Variants in TREH observed in about 807,000 individuals in gnomAD.
TREH encodes trehalase.
TREH carries 69 observed loss-of-function variants against 80.5 expected under a neutral mutation model. The observed-to-expected ratio is 0.86, with a 90% CI of 0.71 to 1.05. The LOEUF (loss-of-function observed/expected upper bound fraction) is 1.05. Ranked by LOEUF, TREH falls within the 50% of genes least tolerant of loss-of-function variation. The probability of loss-of-function intolerance (pLI) is 0.00; values close to 1 mark genes in which losing one functional copy is unlikely to be tolerated. For missense variants in TREH, 716 were observed against 718.8 expected, an observed-to-expected ratio of 1.00 and a Z score of 0.04; for synonymous variants, 309 against 293.5, an observed-to-expected ratio of 1.05 and a Z score of -0.54.
Position 118,660,528 on chromosome 11 carries a change from G to A in TREH, c.1102+11C>T, listed in dbSNP as rs1555144657. 6.3e-7 allele frequency: 1 copy of A among 1,588,680 alleles called. No homozygotes were observed. Among genetic ancestry groups the A allele is most frequent in the Admixed American group, 1.7e-5 (1 of 57,772 alleles). ...AGCTCCCTGCTTTCCCTTCCCTACT[G>A]GGGTGCTCACCCAGCCTGGAATAGA... On this transcript the variant is annotated intron_variant, in intron 10 of 14. Transcript: ENST00000264029.
At chr11:118,659,056 C>T (rs782143882) in intron 12 of TREH, 39 bp from the exon 13 acceptor site, 73 of 1,591,646 alleles carry the variant, frequency 4.6e-5, no homozygotes, top group Admixed American at 6.7e-5. Context: ...CTCCAGGTCT[C>T]CCATCCCAGA....
intron 1 of TREH, among the ~76,000 whole-genome samples, chr11:118,669,823 T>A (rs1265475474): frequency 6.6e-6 from 1 of 152,130 alleles, no homozygotes; most frequent in African/African-American, 2.4e-5. Flanking sequence ...CAAAAATAAT[T>A]TAATTGTACA....
chr11:118,661,342 G>T lies in TREH; in HGVS notation c.734+51C>A, dbSNP rs767394619. The T allele has an allele frequency of 5.6e-6, 9 of 1,613,842 alleles. No homozygotes were observed. The highest frequency in any genetic ancestry group is 7.6e-6 in the Non-Finnish European group (9 of 1,179,832). ...TGCTGCCCATCCCCAGCCCTGAGAG[G>T]TCTGAGGGATGGGTGGGTCTGCAGA... On this transcript the variant is annotated intron_variant, in intron 7 of 14. Coordinates refer to ENST00000264029, the MANE Select transcript of TREH (RefSeq NM_007180.3). The surrounding 1 kb of genome is among the most constrained non-coding windows in gnomAD (Gnocchi z 4.2).
chr11:118,658,475 G>T, intron 14 of TREH, 34 bp from the exon 15 acceptor site: 1 of 1,605,258 alleles, frequency 6.2e-7, no homozygotes, highest in Middle Eastern at 2.3e-4. Flanking sequence ...CCAGTTTCTG[G>T]GGAAGCCTCA....
Position 118,659,890 on chromosome 11 carries a change from C to T in TREH, c.1177G>A (p.Asp393Asn). Residue 393 changes from aspartate to asparagine, a missense_variant, in exon 11 of 15, where the codon GAT (aspartate) becomes AAT (asparagine). Asp to Asn is a conservative substitution (Grantham distance 23). Transcript: ENST00000264029. The stretch of plus-strand genomic sequence containing the variant: ...TCGAACCAGGCTCCGGTCTGCTCAT[C>T]CCACAGGACTGTGTTCAGGGCGGCC... ...RLAALNTVLWDEQTGAWFDYD... is the reference protein window; with the variant it reads ...RLAALNTVLWNEQTGAWFDYD... 2 of 1,551,922 alleles carry T rather than the reference C, an allele frequency of 1.3e-6. No individual in the cohort carries two copies.
At chr11:118,662,058 G>A (rs1949330057) in intron 4 of TREH, 68 bp from the exon 5 acceptor site, 3 of 1,292,228 alleles carry the variant, frequency 2.3e-6, no homozygotes, top group Non-Finnish European at 3.3e-6. Flanking sequence ...AGGCAGCTGG[G>A]GGATCTGAGG....
chr11:118,663,045 G>A lies in TREH; in HGVS notation c.335+7C>T. Reference sequence around the variant, plus strand: ...AACCCTCTCTTGTTCCCCTTCCAGAGTCATACCTGTCTTTCCAGTCTGCAG... The same window carrying A: ...AACCCTCTCTTGTTCCCCTTCCAGAATCATACCTGTCTTTCCAGTCTGCAG... On this transcript the variant is annotated splice_region_variant and intron_variant, in intron 3 of 14. Transcript: ENST00000264029. 6.2e-7 allele frequency: 1 copy of A among 1,613,338 alleles called. No homozygotes were observed. The highest frequency in any genetic ancestry group is 8.5e-7 in the Non-Finnish European group (1 of 1,179,456).
chr11:118,658,116 T>C lies in TREH; in HGVS notation c.*173A>G. ...AGCAGGATTTCCACCCTATTCAAGG[T>C]TCCAGGAGGGAGCTAGGCCCCTACC... On this transcript the variant is annotated 3_prime_UTR_variant, in exon 15 of 15. Coordinates refer to ENST00000264029, the MANE Select transcript of TREH (RefSeq NM_007180.3). 2 of 896,266 alleles carry C rather than the reference T, an allele frequency of 2.2e-6. No homozygotes were observed. The highest frequency in any genetic ancestry group is 3.4e-5 in the African/African-American group (2 of 59,328). The allele number at this position is 896,266 out of a possible 1,614,324, so 55.5% of individuals were successfully genotyped here. A position where few individuals can be genotyped will look rare whatever the true frequency, so the allele number is the denominator to read the frequency against.
At chr11:118,676,436 T>G (rs1405384406) in intron 1 of TREH, among the ~76,000 whole-genome samples, 7 of 152,100 alleles carry the variant, frequency 4.6e-5, no homozygotes, top group African/African-American at 1.7e-4. Flanking sequence ...ACTGCACCAC[T>G]GCACTCCAGC....
intron 2 of TREH, 32 bp downstream of exon 2, chr11:118,663,307 C>T: frequency 6.4e-7 from 1 of 1,566,168 alleles, no homozygotes; most frequent in Non-Finnish European, 8.7e-7. Flanking sequence ...AGAAGGTTCT[C>T]TGGAGAGGAC....
intron 1 of TREH, among the ~76,000 whole-genome samples, chr11:118,666,716 C>G (rs1313186329): frequency 6.6e-6 from 1 of 152,120 alleles, no homozygotes; most frequent in Non-Finnish European, 1.5e-5. Context: ...TAACTGTAAA[C>G]CTTGATCACT....
chr11:118,657,973 G>C lies in TREH; in HGVS notation c.*316C>G. Reference sequence around the variant, plus strand: ...CTTGGTTGCCTGGGCCCAGGCTGGGGGTTTTCAGTATTTGTAAGCATTTCA... The same window carrying C: ...CTTGGTTGCCTGGGCCCAGGCTGGGCGTTTTCAGTATTTGTAAGCATTTCA... On this transcript the variant is annotated 3_prime_UTR_variant, in exon 15 of 15. Coordinates refer to ENST00000264029, the MANE Select transcript of TREH (RefSeq NM_007180.3). 3.2e-6 allele frequency: 1 copy of C among 314,476 alleles called. No homozygotes were observed. Among genetic ancestry groups the C allele is most frequent in the South Asian group, 6.7e-5 (1 of 14,936 alleles). 19.5% of individuals were successfully genotyped at this position (314,476 alleles called of 1,614,324 possible).
Position 118,661,837 on chromosome 11 carries a change from T to A in TREH, c.524+53A>T. The A allele has an allele frequency of 6.3e-7, 1 of 1,581,504 alleles. No individual in the cohort carries two copies. The highest frequency in any genetic ancestry group is 1.8e-5 in the Admixed American group (1 of 54,486). On this transcript the variant is annotated intron_variant, in intron 5 of 14. Coordinates refer to ENST00000264029, the MANE Select transcript of TREH (RefSeq NM_007180.3). The surrounding 1 kb of genome is among the most constrained non-coding windows in gnomAD (Gnocchi z 4.2). ...AGACACCCTGCTGGCCCTGGGTTTC[T>A]CCACCACTGCCAGTCCTGCAGGCCC... is the stretch of plus-strand genomic sequence containing the variant.
At chr11:118,659,287 T>C in intron 12 of TREH, 83 bp downstream of exon 12, 9 of 1,220,586 alleles carry the variant, frequency 7.4e-6, no homozygotes, top group Non-Finnish European at 1.0e-5. Context: ...CTTGTGTCTT[T>C]TGTTCATGCC....
chr11:118,678,583 G>A (rs1274079210), intron 1 of TREH, among the ~76,000 whole-genome samples: 1 of 150,232 alleles, frequency 6.7e-6, no homozygotes, highest in Non-Finnish European at 1.5e-5. Flanking sequence ...GGCTGGTCTC[G>A]AACTCCTGAC....
Position 118,659,655 on chromosome 11 carries a change from C to A in TREH, c.1320+92G>T, listed in dbSNP as rs546157639. ...CGCAGGCTGGGACAAGGGGCATAGC[C>A]GGAGGAAGCGCCCTCCCCTGCAGGT... On this transcript the variant is annotated intron_variant, in intron 11 of 14. Transcript: ENST00000264029. The A allele has an allele frequency of 3.4e-6, 5 of 1,470,380 alleles. No homozygotes were observed. The South Asian group carries it at 5.1e-5, about 15-fold the overall frequency. 91.1% of individuals were successfully genotyped at this position (1,470,380 alleles called of 1,614,324 possible).
Position 118,658,997 on chromosome 11 carries a change from G to A in TREH, c.1453C>T (p.Arg485Cys), listed in dbSNP as rs1423018299. The A allele has an allele frequency of 1.4e-5, 22 of 1,613,668 alleles. No homozygotes were observed. The highest frequency in any genetic ancestry group is 1.3e-4 in the East Asian group (6 of 44,884). The change falls in exon 13 of 15, where the codon CGT (arginine) becomes TGT (cysteine). Residue 485 changes from arginine to cysteine, a missense_variant. Arg to Cys is a radical substitution (Grantham distance 180). Coordinates refer to ENST00000264029, the MANE Select transcript of TREH (RefSeq NM_007180.3). ...TGGAAAGCCACTTCCTGGGCCCGAC[G>A]TAAAGGTGCCTTGGCCAGGCCTAGA... ...VIRGLAKAPL[R>C]RAQEVAFQLA...
rs2137260211 is a variant in TREH at position 118,659,765 on chromosome 11, C to T, written c.1302G>A (p.Lys434=). Reference sequence around the variant, plus strand: ...CCCTCACCTCCAGGTATTTCAGAGCCTTGTCCGCCACGCCAGGGTCAGAGA... The same window carrying T: ...CCCTCACCTCCAGGTATTTCAGAGCTTTGTCCGCCACGCCAGGGTCAGAGA... The part of the protein sequence containing the change: ...GCFSDPGVAD[K]ALKYLEDNRI... The change falls in exon 11 of 15, where the codon AAG becomes AAA. Residue 434 remains lysine (K), a synonymous_variant. Coordinates refer to ENST00000264029, the MANE Select transcript of TREH (RefSeq NM_007180.3). 6.3e-7 allele frequency: 1 copy of T among 1,579,764 alleles called. No homozygotes were observed. The highest frequency in any genetic ancestry group is 2.3e-5 in the East Asian group (1 of 43,130).
chr11:118,679,197 C>T (rs998005282), intron 1 of TREH, among the ~76,000 whole-genome samples: 73 of 152,106 alleles, frequency 4.8e-4, no homozygotes, highest in African/African-American at 1.7e-3. Flanking sequence ...ACAGGCTGGG[C>T]GTGGTGGTGC....
Sources: gnomAD v4.1 joint callset for allele counts (sites outside exome capture counted in the v4.1 genomes callset) on GRCh38, gnomAD v4.1.1 for gene constraint, Gnocchi (gnomAD v3.1) non-coding constraint, MANE v1.5 for transcripts, NCBI Gene and HGNC (gene_info 2026-07-23, HGNC 2026-07-21) for gene names.